The following ARHGAP44 variants were observed in gnomAD, a reference collection of about 807,000 sequenced individuals.
ARHGAP44 encodes rho GTPase-activating protein 44.
In ARHGAP44, 43 loss-of-function variants were observed where a neutral mutation model predicts 106.8. That is an observed-to-expected ratio of 0.40 (90% CI 0.32 to 0.52). ARHGAP44 has a LOEUF of 0.52. ARHGAP44 is among the 20% of genes least tolerant of loss of function. The pLI, the probability that ARHGAP44 is intolerant of heterozygous loss-of-function variation, is 0.48. For synonymous variants in ARHGAP44, 439 were observed against 410.3 expected, an observed-to-expected ratio of 1.07 and a Z score of -0.85; for missense variants, 866 against 1,050.5, an observed-to-expected ratio of 0.82 and a Z score of 2.43.
intron 20 of ARHGAP44, chr17:12,985,174 A>C: frequency 4.7e-6 from 2 of 422,518 alleles, no homozygotes; most frequent in East Asian, 4.0e-5. Flanking sequence ...TGCTCTTATT[A>C]TCGGGGGTTG....
chr17:12,864,954 A>G (rs1249403810), intron 1 of ARHGAP44, among the ~76,000 whole-genome samples: 1 of 152,224 alleles, frequency 6.6e-6, no homozygotes, highest in Non-Finnish European at 1.5e-5. Flanking sequence ...GGAAAAAGAT[A>G]CGAAACTTGG....
chr17:12,948,616 G>C (rs1191054109), intron 10 of ARHGAP44, among the ~76,000 whole-genome samples: 1 of 152,092 alleles, frequency 6.6e-6, no homozygotes, highest in African/African-American at 2.4e-5. Flanking sequence ...GTTGCACTGA[G>C]TCAAGATCGG....
chr17:12,894,184 G>T (rs945593504), intron 1 of ARHGAP44, among the ~76,000 whole-genome samples: 2 of 151,832 alleles, frequency 1.3e-5, no homozygotes, highest in African/African-American at 4.8e-5. Context: ...AAATCTTGAT[G>T]ATTTGTTTTC....
At chr17:12,950,682 G>A (rs2038972231) in intron 12 of ARHGAP44, among the ~76,000 whole-genome samples, 1 of 152,162 alleles carries the variant, frequency 6.6e-6, no homozygotes, top group African/African-American at 2.4e-5. Flanking sequence ...ATTGCTACCA[G>A]CACAAAGATG....
chr17:12,898,964 T>G (rs199609464), intron 3 of ARHGAP44, among the ~76,000 whole-genome samples: 3 of 112,352 alleles, frequency 2.7e-5, no homozygotes, highest in Admixed American at 8.1e-5. Flanking sequence ...TGGATTTATT[T>G]ATTTATTTAT....
At chr17:12,861,703 C>T (rs1160180485) in intron 1 of ARHGAP44, among the ~76,000 whole-genome samples, 5 of 129,354 alleles carry the variant, frequency 3.9e-5, no homozygotes, top group East Asian at 4.8e-4. Context: ...GGCGCAATCT[C>T]GGCTCACTGC....
intron 7 of ARHGAP44, 81 bp downstream of exon 7, chr17:12,929,127 T>A (rs2038329595): frequency 5.4e-6 from 7 of 1,301,908 alleles, no homozygotes; most frequent in Non-Finnish European, 6.5e-6. Flanking sequence ...TGGAGTTCTC[T>A]TAAAACTCTG....
intron 7 of ARHGAP44, among the ~76,000 whole-genome samples, chr17:12,931,918 G>A (rs939817777): frequency 6.6e-6 from 1 of 151,262 alleles, no homozygotes; most frequent in Non-Finnish European, 1.5e-5. Flanking sequence ...ATTAATGGAT[G>A]TTCAAACTGG....
intron 1 of ARHGAP44, among the ~76,000 whole-genome samples, chr17:12,851,756 A>AGAAG (rs754050423): frequency 1.3e-4 from 20 of 152,052 alleles, no homozygotes; most frequent in Non-Finnish European, 2.4e-4. Flanking sequence ...TCTAAATAGG[A>AGAAG]GAAGGAAGAG....
intron 1 of ARHGAP44, among the ~76,000 whole-genome samples, chr17:12,839,078 T>A (rs1299816038): frequency 6.6e-6 from 1 of 152,166 alleles, no homozygotes; most frequent in African/African-American, 2.4e-5. Context: ...CCTCTTTGTG[T>A]CCTCTGAGAA....
intron 1 of ARHGAP44, among the ~76,000 whole-genome samples, chr17:12,827,318 T>C (rs2034949786): frequency 6.6e-6 from 1 of 152,214 alleles, no homozygotes; most frequent in Admixed American, 6.5e-5. Context: ...TGTGATGCCA[T>C]GTAAACATGC....
chr17:12,948,751 C>CACACACACACACACACACA (rs200024961), intron 10 of ARHGAP44, among the ~76,000 whole-genome samples: 19 of 147,820 alleles, frequency 1.3e-4, no homozygotes, highest in East Asian at 2.0e-4. Context: ...CACACACACA[C>CACACACACACACACACACA]CCCCTGTAGA....
At chr17:12,816,700 A>G (rs2034608022) in intron 1 of ARHGAP44, among the ~76,000 whole-genome samples, 1 of 152,226 alleles carries the variant, frequency 6.6e-6, no homozygotes, top group African/African-American at 2.4e-5. Flanking sequence ...TCAGTTTACC[A>G]GAAAGACAAA....
At chr17:12,894,888 G>T in intron 1 of ARHGAP44, 52 bp from the exon 2 acceptor site, 1 of 1,511,924 alleles carries the variant, frequency 6.6e-7, no homozygotes. Flanking sequence ...GAGTAATTAT[G>T]AGGCTCTGTT....
intron 1 of ARHGAP44, among the ~76,000 whole-genome samples, chr17:12,892,858 A>G (rs1598009103): frequency 1.4e-5 from 2 of 147,856 alleles, no homozygotes; most frequent in African/African-American, 5.0e-5. Flanking sequence ...TCTTCTTTAT[A>G]TCTTCTATTT....
At chr17:12,860,321 A>T (rs954060907) in intron 1 of ARHGAP44, among the ~76,000 whole-genome samples, 1 of 152,200 alleles carries the variant, frequency 6.6e-6, no homozygotes, top group Non-Finnish European at 1.5e-5. Flanking sequence ...GCTCCTGACA[A>T]TAGCATTTGC....
chr17:12,860,810 G>A (rs1233679473), intron 1 of ARHGAP44, among the ~76,000 whole-genome samples: 1 of 151,528 alleles, frequency 6.6e-6, no homozygotes, highest in Admixed American at 6.6e-5. Context: ...TTCACGCAGA[G>A]CAGGTGAATC....
At chr17:12,841,635 C>CAAAAAAAAAAAA (rs1232144002) in intron 1 of ARHGAP44, among the ~76,000 whole-genome samples, 22 of 87,830 alleles carry the variant, frequency 2.5e-4, no homozygotes, top group African/African-American at 7.5e-4. Context: ...CACACACACA[C>CAAAAAAAAAAAA]ACACAAACAA....
At chr17:12,802,504 A>G (rs886155320) in intron 1 of ARHGAP44, among the ~76,000 whole-genome samples, 4 of 151,532 alleles carry the variant, frequency 2.6e-5, no homozygotes, top group African/African-American at 7.3e-5. Context: ...ACTTGGAAAC[A>G]GGGGGAGAAT....
Sources: allele counts gnomAD v4.1 joint callset (sites outside exome capture counted in the v4.1 genomes callset), GRCh38; gene constraint gnomAD v4.1.1; transcripts MANE v1.5; gene names NCBI Gene and HGNC (gene_info 2026-07-23, HGNC 2026-07-21).